The following MGLL variants were observed in gnomAD, a reference collection of about 807,000 sequenced individuals.
The protein encoded by MGLL is monoglyceride lipase.
MGLL carries 7 observed loss-of-function variants against 29.1 expected under a neutral mutation model. The ratio of observed to expected loss-of-function variants is 0.24; its 90% CI spans 0.14 to 0.45. The LOEUF (loss-of-function observed/expected upper bound fraction) is 0.45, where lower values mean the gene tolerates loss of function less well. Ranked by LOEUF, MGLL falls within the 20% of genes least tolerant of loss-of-function variation. The probability of loss-of-function intolerance (pLI) is 0.99; values close to 1 mark genes in which losing one functional copy is unlikely to be tolerated. For missense variants in MGLL, 356 were observed against 413.6 expected (o/e 0.86, Z 1.21); for synonymous variants, 148 against 168.3 (o/e 0.88, Z 0.93).
chr3:127,745,806 C>T (rs2076431348), intron 3 of MGLL, among the ~76,000 whole-genome samples: 3 of 152,158 alleles, frequency 2.0e-5, no homozygotes, highest in African/African-American at 7.2e-5. Flanking sequence ...CAAAGCTGTG[C>T]CCTGAAAGAG....
rs34396478 is a variant in MGLL, at chr3:127,748,427, AGG to A, written c.263-25863_263-25862del. Among the ~76,000 whole-genome samples, 10 of 119,306 alleles carry A rather than the reference AGG, an allele frequency of 8.4e-5. No individual in the cohort carries two copies. In the East Asian group the frequency reaches 2.1e-3, roughly 25 times the overall value. The allele number at this position is 119,306 out of a possible 152,430, so 78.3% of individuals were successfully genotyped here. A position where few individuals can be genotyped will look rare whatever the true frequency, so the allele number is the denominator to read the frequency against. On this transcript the variant is annotated intron_variant, in intron 3 of 7. Coordinates refer to ENST00000265052, the MANE Select transcript of MGLL (RefSeq NM_007283.7). ...GAGAGAAAGAGAGAGAGAGAGAGAG[AGG>A]GAGAGAGAGAGAGAGAGAGATATTC...
At chr3:127,805,781 T>C (rs1339945387) in intron 2 of MGLL, among the ~76,000 whole-genome samples, 5 of 152,236 alleles carry the variant, frequency 3.3e-5, no homozygotes, top group Non-Finnish European at 7.3e-5. Context: ...ATAGCAAGAA[T>C]GAGGCCAGGC....
At position 127,746,737 on chromosome 3, in the gene MGLL, C is replaced by G. The variant is rs977802335; in HGVS notation, c.263-24171G>C. Among the ~76,000 whole-genome samples, 14 of 152,296 alleles carry G rather than the reference C, an allele frequency of 9.2e-5. No homozygotes were observed. In the South Asian group the frequency reaches 2.7e-3, roughly 29 times the overall value. On this transcript the variant is annotated intron_variant, in intron 3 of 7. Coordinates refer to ENST00000265052, the MANE Select transcript of MGLL (RefSeq NM_007283.7). ...CATCCTTCTTGTCCTCTGCCACTCC[C>G]GTAGGGAGCCTCCCTCTCGTCTACT...
intron 2 of MGLL, among the ~76,000 whole-genome samples, chr3:127,800,663 C>CCCCT: frequency 6.6e-6 from 1 of 152,206 alleles, no homozygotes; most frequent in Admixed American, 6.5e-5. Flanking sequence ...TTATGTTGGT[C>CCCCT]CCCTGTGTGG....
intron 3 of MGLL, among the ~76,000 whole-genome samples, chr3:127,726,204 A>AGGAAGGAAAGAGAAAGAAAG (rs1559926472): frequency 8.7e-6 from 1 of 115,478 alleles, no homozygotes; most frequent in Admixed American, 8.8e-5. Flanking sequence ...GAAAGAAAGA[A>AGGAAGGAAAGAGAAAGAAAG]AGACAGAAGG....
intron 6 of MGLL, among the ~76,000 whole-genome samples, chr3:127,703,299 G>A (rs1057224158): frequency 6.6e-6 from 1 of 152,178 alleles, no homozygotes; most frequent in Non-Finnish European, 1.5e-5. Context: ...AGGGATTTGA[G>A]GAATAATAAG....
intron 6 of MGLL, among the ~76,000 whole-genome samples, chr3:127,696,021 C>A (rs1418572248): frequency 6.6e-6 from 1 of 152,178 alleles, no homozygotes; most frequent in African/African-American, 2.4e-5. Context: ...CAGGCACTGA[C>A]AATGGGCTTT....
At chr3:127,700,327 C>T (rs1202031136) in intron 6 of MGLL, among the ~76,000 whole-genome samples, 1 of 152,236 alleles carries the variant, frequency 6.6e-6, no homozygotes, top group Non-Finnish European at 1.5e-5. Flanking sequence ...GAGAATCCTC[C>T]TGTGATGGCT....
chr3:127,821,142 T>G (rs1227685175), intron 2 of MGLL, among the ~76,000 whole-genome samples: 1 of 152,214 alleles, frequency 6.6e-6, no homozygotes, highest in Non-Finnish European at 1.5e-5. Flanking sequence ...GTCTTGTGTA[T>G]AGTCCCAATG....
intron 3 of MGLL, among the ~76,000 whole-genome samples, chr3:127,739,443 G>A (rs1292860073): frequency 3.3e-5 from 5 of 152,198 alleles, no homozygotes; most frequent in Non-Finnish European, 7.3e-5. Flanking sequence ...AAATAATTAA[G>A]TATTATTAGT....
At chr3:127,716,883 G>A (rs1014451380) in intron 5 of MGLL, among the ~76,000 whole-genome samples, 5 of 152,214 alleles carry the variant, frequency 3.3e-5, no homozygotes, top group Non-Finnish European at 7.3e-5. Context: ...TCTTGAGAGT[G>A]AGAGGACACC....
chr3:127,807,737 T>A (rs918377827), intron 2 of MGLL, among the ~76,000 whole-genome samples: 1 of 144,644 alleles, frequency 6.9e-6, no homozygotes, highest in South Asian at 2.2e-4. Context: ...AATTTAGACA[T>A]GCTGTGAAAA....
intron 3 of MGLL, among the ~76,000 whole-genome samples, chr3:127,745,239 A>G (rs903326552): frequency 1.3e-5 from 2 of 152,248 alleles, no homozygotes; most frequent in African/African-American, 4.8e-5. Flanking sequence ...GTAGGCATCC[A>G]AAAAATGCTA....
chr3:127,820,176 C>T (rs2107764010), intron 2 of MGLL, among the ~76,000 whole-genome samples: 1 of 152,350 alleles, frequency 6.6e-6, no homozygotes, highest in East Asian at 1.9e-4. Context: ...AGCCCATCAG[C>T]ACCCACCACA....
rs1463846970 is a variant in MGLL at position 127,734,375 on chromosome 3, C to T, written c.263-11809G>A. On this transcript the variant is annotated intron_variant, in intron 3 of 7. Coordinates refer to ENST00000265052, the MANE Select transcript of MGLL (RefSeq NM_007283.7). ...ACCTGGCTCCCAGTATTCCATTTCA[C>T]CATGGAAGCATCGCCCACTGCCTCT... Among the ~76,000 whole-genome samples the T allele has an allele frequency of 8.5e-5, 13 of 152,304 alleles. No individual in the cohort carries two copies. The East Asian group carries it at 2.5e-3, about 29-fold the overall frequency.
chr3:127,714,158 G>A (rs182653919), intron 5 of MGLL: 4 of 152,098 alleles, frequency 2.6e-5, no homozygotes, highest in Admixed American at 2.0e-4. Context: ...ACAATGCAAG[G>A]GGCTGGTCCC....
intron 3 of MGLL, among the ~76,000 whole-genome samples, chr3:127,749,642 T>C (rs1485971953): frequency 6.6e-6 from 1 of 152,142 alleles, no homozygotes; most frequent in African/African-American, 2.4e-5. Context: ...CCAGAGCAGA[T>C]TCTAGAAAGA....
intron 2 of MGLL, among the ~76,000 whole-genome samples, chr3:127,814,821 T>C (rs1336748772): frequency 1.3e-5 from 2 of 152,248 alleles, no homozygotes; most frequent in South Asian, 2.1e-4. Flanking sequence ...TGTTTAAAAA[T>C]AAAACAATTT....
intron 3 of MGLL, among the ~76,000 whole-genome samples, chr3:127,775,523 C>T (rs1275592598): frequency 2.0e-5 from 3 of 152,100 alleles, no homozygotes; most frequent in East Asian, 1.9e-4. Context: ...AGGAGAACCA[C>T]GCGTAACTGC....
Sources: allele counts gnomAD v4.1 joint callset (sites outside exome capture counted in the v4.1 genomes callset), GRCh38; gene constraint gnomAD v4.1.1; transcripts MANE v1.5; gene names NCBI Gene and HGNC (gene_info 2026-07-23, HGNC 2026-07-21).